The following LINGO2 variants were observed in gnomAD, a reference collection of about 807,000 sequenced individuals.
LINGO2 encodes the protein leucine rich repeat and Ig domain containing 2, also known as leucine-rich repeat and immunoglobulin-like domain-containing nogo receptor-interacting protein 2.
Under a neutral mutation model 30.6 loss-of-function variants are expected in LINGO2, and 14 were observed. The ratio of observed to expected loss-of-function variants is 0.46; its 90% confidence interval spans 0.30 to 0.72. The LOEUF (loss-of-function observed/expected upper bound fraction) is 0.72, where lower values mean the gene tolerates loss of function less well. Among genes scored for constraint, LINGO2 ranks in the 30% least tolerant of loss-of-function variants. The pLI is 0.07. For synonymous variants in LINGO2, 317 were observed against 288.5 expected (o/e 1.10, Z -1.00); for missense variants, 729 against 751.7 (o/e 0.97, Z 0.35).
intron 4 of LINGO2, among the ~76,000 whole-genome samples, chr9:28,111,998 C>T (rs1018734285): frequency 8.6e-5 from 12 of 138,780 alleles, no homozygotes; most frequent in South Asian, 5.1e-4. Flanking sequence ...CATGCTGGTG[C>T]GCTGCACCCA....
At chr9:28,322,922 C>T (rs1825099954) in intron 3 of LINGO2, among the ~76,000 whole-genome samples, 1 of 152,144 alleles carries the variant, frequency 6.6e-6, no homozygotes, top group African/African-American at 2.4e-5. Flanking sequence ...TTTATATGTA[C>T]ACAGTGAGAC....
the LINGO2 span, among the ~76,000 whole-genome samples, chr9:28,965,072 C>G: frequency 6.6e-6 from 1 of 151,754 alleles, no homozygotes; most frequent in African/African-American, 2.4e-5. Context: ...TCTTTTGGAG[C>G]TAAGTTGGCA....
At chr9:28,980,302 T>A in the LINGO2 span, among the ~76,000 whole-genome samples, 4 of 152,172 alleles carry the variant, frequency 2.6e-5, no homozygotes, top group East Asian at 1.9e-4. Context: ...CATACTTCCA[T>A]CTTTATGTCT....
At chr9:28,049,216 T>A (rs1432825826) in intron 4 of LINGO2, among the ~76,000 whole-genome samples, 5 of 150,766 alleles carry the variant, frequency 3.3e-5, no homozygotes, top group African/African-American at 1.2e-4. Context: ...TCACCCAGCA[T>A]GTGTTTACTG....
chr9:28,087,227 C>A (rs1204094852), intron 4 of LINGO2, among the ~76,000 whole-genome samples: 1 of 152,018 alleles, frequency 6.6e-6, no homozygotes, highest in Non-Finnish European at 1.5e-5. Context: ...ATTAACTGAG[C>A]CCAGACTAGA....
At chr9:28,633,056 C>T (rs1827076715) in intron 1 of LINGO2, among the ~76,000 whole-genome samples, 1 of 151,486 alleles carries the variant, frequency 6.6e-6, no homozygotes, top group Non-Finnish European at 1.5e-5. Context: ...GGGCAGGAAG[C>T]ATCCAGCATA....
At chr9:28,574,586 C>T (rs898359713) in intron 1 of LINGO2, among the ~76,000 whole-genome samples, 14 of 152,090 alleles carry the variant, frequency 9.2e-5, no homozygotes, top group African/African-American at 2.9e-4. Flanking sequence ...AGCACATTTC[C>T]GGGAGATTAC....
chr9:28,320,261 G>C (rs1490921250), intron 3 of LINGO2, among the ~76,000 whole-genome samples: 4 of 152,210 alleles, frequency 2.6e-5, no homozygotes, highest in Non-Finnish European at 5.9e-5. Context: ...ATTAGTATGA[G>C]AGCCAGGAGT....
chr9:28,667,499 T>C (rs1451794402), intron 1 of LINGO2, among the ~76,000 whole-genome samples: 1 of 152,070 alleles, frequency 6.6e-6, no homozygotes, highest in Non-Finnish European at 1.5e-5. Flanking sequence ...ATCCCAGCAT[T>C]TTGGGATGCC....
At chr9:28,392,879 T>C (rs527678844) in intron 2 of LINGO2, among the ~76,000 whole-genome samples, 21 of 152,338 alleles carry the variant, frequency 1.4e-4, no homozygotes, top group African/African-American at 4.6e-4. Flanking sequence ...AAAATATTTC[T>C]TATGGCAGTA....
the LINGO2 span, among the ~76,000 whole-genome samples, chr9:28,960,515 A>G: frequency 8.6e-5 from 13 of 150,814 alleles, no homozygotes; most frequent in Non-Finnish European, 1.9e-4. Flanking sequence ...AAACGAACAA[A>G]CAGAAAATGT....
At chr9:28,173,679 A>T (rs1828664461) in intron 4 of LINGO2, among the ~76,000 whole-genome samples, 1 of 152,230 alleles carries the variant, frequency 6.6e-6, no homozygotes, top group Admixed American at 6.5e-5. Context: ...TGTCTTTGTG[A>T]CCAAGAATGG....
intron 2 of LINGO2, among the ~76,000 whole-genome samples, chr9:28,470,405 C>G (rs1326183913): frequency 6.6e-6 from 1 of 152,178 alleles, no homozygotes; most frequent in Non-Finnish European, 1.5e-5. Flanking sequence ...GGCTCTCACA[C>G]TGTTTGGAAA....
chr9:28,922,229 G>A, the LINGO2 span, among the ~76,000 whole-genome samples: 5 of 152,154 alleles, frequency 3.3e-5, no homozygotes, highest in African/African-American at 9.7e-5. Context: ...TATCTGAGTA[G>A]GTAACACACT....
chr9:28,606,651 A>G (rs2135767058), intron 1 of LINGO2, among the ~76,000 whole-genome samples: 1 of 152,174 alleles, frequency 6.6e-6, no homozygotes, highest in Non-Finnish European at 1.5e-5. Context: ...ACTCTTAAAC[A>G]AGATATATTG....
chr9:28,037,212 A>C (rs546020874), intron 4 of LINGO2, among the ~76,000 whole-genome samples: 13 of 152,354 alleles, frequency 8.5e-5, no homozygotes, highest in African/African-American at 2.9e-4. Context: ...CTCTGAATTG[A>C]ACGCCTAGTT....
intron 1 of LINGO2, among the ~76,000 whole-genome samples, chr9:28,487,172 A>G (rs1455301103): frequency 6.6e-6 from 1 of 152,132 alleles, no homozygotes; most frequent in East Asian, 1.9e-4. Flanking sequence ...TCGGGTAGGA[A>G]ACTAGCTTCT....
chr9:28,251,662 G>A (rs1049829318), intron 4 of LINGO2, among the ~76,000 whole-genome samples: 2 of 152,004 alleles, frequency 1.3e-5, no homozygotes, highest in African/African-American at 4.8e-5. Context: ...TTTCTCTTCT[G>A]TCTTTGTGGA....
chr9:28,258,722 A>C (rs1822463782), intron 4 of LINGO2, among the ~76,000 whole-genome samples: 1 of 151,980 alleles, frequency 6.6e-6, no homozygotes, highest in South Asian at 2.1e-4. Flanking sequence ...ACAACACGGA[A>C]CATCTTTTAC....
Sources: allele counts gnomAD v4.1 joint callset (sites outside exome capture counted in the v4.1 genomes callset), GRCh38; gene constraint gnomAD v4.1.1; transcripts MANE v1.5; gene names NCBI Gene and HGNC (gene_info 2026-07-23, HGNC 2026-07-21).